PDZD2: variants seen among roughly 807,000 people sequenced by gnomAD.
PDZD2 encodes the protein PDZ domain containing 2, also known as PDZ domain-containing protein 2.
PDZD2 carries 90 observed loss-of-function variants against 220.7 expected under a neutral mutation model. The ratio of observed to expected loss-of-function variants is 0.41; its 90% CI spans 0.34 to 0.49. PDZD2 has a LOEUF of 0.49. Ranked by LOEUF, PDZD2 falls within the 20% of genes least tolerant of loss-of-function variation. The pLI is 0.28. For missense variants in PDZD2, 3,174 were observed against 3,608.5 expected (o/e 0.88, Z 3.08); for synonymous variants, 1,375 against 1,450.5 (o/e 0.95, Z 1.18).
At chr5:32,008,727 A>T (rs1260696745) in intron 5 of PDZD2, among the ~76,000 whole-genome samples, 1 of 152,216 alleles carries the variant, frequency 6.6e-6, no homozygotes, top group East Asian at 1.9e-4. Flanking sequence ...CAATTCTCAG[A>T]CACGCAGGGG....
At chr5:31,682,613 ACT>A (rs889047159) in intron 1 of PDZD2, among the ~76,000 whole-genome samples, 1 of 151,374 alleles carries the variant, frequency 6.6e-6, no homozygotes, top group African/African-American at 2.4e-5. Flanking sequence ...GTTTAATTGA[ACT>A]CTGTTAATTT....
intron 2 of PDZD2, among the ~76,000 whole-genome samples, chr5:31,981,464 G>A (rs1479142499): frequency 6.6e-6 from 1 of 152,196 alleles, no homozygotes; most frequent in Non-Finnish European, 1.5e-5. Flanking sequence ...CTCACTATGA[G>A]ATGAGAGGAG....
At chr5:32,003,327 A>C (rs1170861619) in intron 5 of PDZD2, among the ~76,000 whole-genome samples, 332 of 29,074 alleles carry the variant, frequency 0.011, 1 homozygote, top group African/African-American at 0.04. Context: ...CCACACACAC[A>C]CCCCCACCAC....
At chr5:31,957,685 C>T (rs1029952834) in intron 2 of PDZD2, among the ~76,000 whole-genome samples, 1 of 152,018 alleles carries the variant, frequency 6.6e-6, no homozygotes, top group South Asian at 2.1e-4. Context: ...TTATTATTCC[C>T]GTAAGAGAAC....
chr5:32,059,839 G>A (rs6894969), intron 13 of PDZD2, among the ~76,000 whole-genome samples: 4,318 of 152,176 alleles, frequency 0.028, 208 homozygotes, highest in African/African-American at 0.099. Flanking sequence ...TTGTTGAATG[G>A]CCATGTCTAG....
At chr5:31,883,755 C>T (rs1740161446) in intron 2 of PDZD2, among the ~76,000 whole-genome samples, 1 of 151,942 alleles carries the variant, frequency 6.6e-6, no homozygotes, top group African/African-American at 2.4e-5. Context: ...GTGCCTGCCA[C>T]CATGCGGGGC....
intron 1 of PDZD2, among the ~76,000 whole-genome samples, chr5:31,654,921 GT>G (rs927222082): frequency 4.6e-5 from 7 of 152,058 alleles, no homozygotes; most frequent in African/African-American, 1.7e-4. Context: ...CAGACCCTTG[GT>G]GGGTTCTCCC....
At chr5:31,840,273 A>T (rs77245822) in intron 2 of PDZD2, among the ~76,000 whole-genome samples, 3 of 150,266 alleles carry the variant, frequency 2.0e-5, no homozygotes, top group African/African-American at 4.9e-5. Context: ...AAACCACCTC[A>T]TTTTATTCTG....
chr5:32,090,501 T>C lies in PDZD2; in HGVS notation c.7053T>C (p.Pro2351=), dbSNP rs759817703. The change falls in exon 20 of 25, where the codon CCT becomes CCC. Residue 2351 remains proline, a synonymous_variant. Transcript: ENST00000438447. The surrounding 1 kb of genome is among the most constrained non-coding windows in gnomAD (Gnocchi z 4.3). ...AGAACCTGGCCAATGCTGACCGGCC[T>C]GTAGCCAAGTCCGGGGCTTCCCCAT... ...SFENLANADR[P]VAKSGASPFL... is the part of the protein sequence containing the mutation. 7.4e-6 allele frequency: 12 copies of C among 1,613,928 alleles called. No individual in the cohort carries two copies. Among genetic ancestry groups the C allele is most frequent in the Non-Finnish European group, 1.0e-5 (12 of 1,180,016 alleles).
intron 2 of PDZD2, among the ~76,000 whole-genome samples, chr5:31,803,764 G>T (rs925370128): frequency 6.6e-6 from 1 of 152,054 alleles, no homozygotes; most frequent in African/African-American, 2.4e-5. Context: ...ATAGGGGCAA[G>T]GTAGCTGACG....
chr5:31,665,652 C>CT (rs1554060784), intron 1 of PDZD2, among the ~76,000 whole-genome samples: 6 of 71,396 alleles, frequency 8.4e-5, no homozygotes, highest in Non-Finnish European at 1.4e-4. Flanking sequence ...CCTCCCCCCC[C>CT]TCCCTTTCCT....
intron 2 of PDZD2, among the ~76,000 whole-genome samples, chr5:31,946,999 C>T (rs1056621323): frequency 6.6e-5 from 10 of 152,278 alleles, no homozygotes; most frequent in African/African-American, 2.2e-4. Context: ...CCACCATTTC[C>T]GGCTAAGATG....
At chr5:32,010,659 T>C in intron 6 of PDZD2, 177 bp downstream of exon 6, 1 of 695,010 alleles carries the variant, frequency 1.4e-6, no homozygotes, top group Non-Finnish European at 2.6e-6. Context: ...GTGAGGGTGA[T>C]ATTTTTCCTT....
intron 1 of PDZD2, among the ~76,000 whole-genome samples, chr5:31,776,626 T>TTTTA (rs150070722): frequency 0.048 from 6,800 of 141,018 alleles, 296 homozygotes; most frequent in African/African-American, 0.098. Context: ...TTATTTTTTA[T>TTTTA]TTTATTTATT....
intron 2 of PDZD2, among the ~76,000 whole-genome samples, chr5:31,871,016 G>T (rs1738745113): frequency 6.6e-6 from 1 of 152,120 alleles, no homozygotes; most frequent in African/African-American, 2.4e-5. Context: ...AAATGCCAAT[G>T]CCACTGTAGA....
chr5:31,915,857 A>G (rs1402435473), intron 2 of PDZD2, among the ~76,000 whole-genome samples: 1 of 152,160 alleles, frequency 6.6e-6, no homozygotes, highest in Non-Finnish European at 1.5e-5. Context: ...TTTACAGTGT[A>G]CCTACAGAGC....
At chr5:31,850,073 T>TGTGAATATATAAGTATATATAC (rs1757923135) in intron 2 of PDZD2, among the ~76,000 whole-genome samples, 1 of 115,512 alleles carries the variant, frequency 8.7e-6, no homozygotes, top group Non-Finnish European at 1.7e-5. Flanking sequence ...AGTATATATA[T>TGTGAATATATAAGTATATATAC]GTGTATATAT....
At chr5:31,927,410 T>C (rs11952132) in intron 2 of PDZD2, among the ~76,000 whole-genome samples, 2 of 151,844 alleles carry the variant, frequency 1.3e-5, no homozygotes, top group Admixed American at 1.3e-4. Flanking sequence ...TTTGAGACAG[T>C]GTCTCACTCT....
intron 2 of PDZD2, among the ~76,000 whole-genome samples, chr5:31,954,133 A>T (rs1267815379): frequency 3.9e-5 from 6 of 152,056 alleles, no homozygotes; most frequent in African/African-American, 1.4e-4. Flanking sequence ...TAAAAAAAAA[A>T]AGTGACAGGA....
Sources: gnomAD v4.1 joint callset for allele counts (sites outside exome capture counted in the v4.1 genomes callset) on GRCh38, gnomAD v4.1.1 for gene constraint, Gnocchi (gnomAD v3.1) non-coding constraint, MANE v1.5 for transcripts, NCBI Gene and HGNC (gene_info 2026-07-23, HGNC 2026-07-21) for gene names.